The following PATJ variants were observed in gnomAD, a reference collection of about 807,000 sequenced individuals.
PATJ encodes inaD-like protein.
Under a neutral mutation model 224.9 loss-of-function variants are expected in PATJ, and 190 were observed. The observed-to-expected ratio is 0.84, with a 90% CI of 0.75 to 0.95. PATJ has a LOEUF of 0.95. PATJ is among the 40% of genes least tolerant of loss of function. The pLI, the probability that PATJ is intolerant of heterozygous loss-of-function variation, is 0.00. For synonymous variants in PATJ, 769 were observed against 820.3 expected, an observed-to-expected ratio of 0.94 and a Z score of 1.07; for missense variants, 2,121 against 2,270.3, an observed-to-expected ratio of 0.93 and a Z score of 1.34.
chr1:62,068,288 G>A (rs1334486115), intron 31 of PATJ, among the ~76,000 whole-genome samples: 4 of 152,212 alleles, frequency 2.6e-5, no homozygotes, highest in African/African-American at 9.7e-5. Context: ...GACAAAAGGA[G>A]AAATTTACTC....
rs1571358175 is a variant in PATJ at position 61,933,149 on chromosome 1, A to G, written c.3670+5320A>G. Among the ~76,000 whole-genome samples, 8 of 152,304 alleles carry G rather than the reference A, an allele frequency of 5.3e-5. No individual in the cohort carries two copies. In the South Asian group the frequency reaches 1.7e-3, roughly 32 times the overall value. ...AATTAAGAAACAATGTACTGCATCA[A>G]TGCGTAGCTCTTGGCAAAACTACCA... On this transcript the variant is annotated intron_variant, in intron 27 of 43. Coordinates refer to ENST00000642238, the MANE Select transcript of PATJ (RefSeq NM_001350145.3).
At chr1:62,038,658 C>T (rs1311199044) in intron 30 of PATJ, 1 of 223,024 alleles carries the variant, frequency 4.5e-6, no homozygotes, top group Non-Finnish European at 8.9e-6. Context: ...TCTTTCACTA[C>T]CTCCCTAAGG....
chr1:62,088,823 C>CAT (rs576635336), intron 33 of PATJ, among the ~76,000 whole-genome samples: 2 of 146,530 alleles, frequency 1.4e-5, no homozygotes, highest in Non-Finnish European at 3.0e-5. Flanking sequence ...ATATATAGAA[C>CAT]ATATATATAG....
chr1:61,853,570 A>T (rs2148896958), intron 17 of PATJ, among the ~76,000 whole-genome samples: 2 of 152,290 alleles, frequency 1.3e-5, no homozygotes, highest in Middle Eastern at 3.4e-3. Flanking sequence ...AAAAACTGAC[A>T]TCCTAAATGA....
chr1:61,904,466 T>C (rs1671601955), intron 24 of PATJ, among the ~76,000 whole-genome samples: 1 of 152,208 alleles, frequency 6.6e-6, no homozygotes. Flanking sequence ...TGCATTGATT[T>C]GTGTGTGTGT....
At chr1:61,972,966 T>G (rs1571586733) in intron 27 of PATJ, among the ~76,000 whole-genome samples, 1 of 152,088 alleles carries the variant, frequency 6.6e-6, no homozygotes, top group Non-Finnish European at 1.5e-5. Context: ...TTTTTAATAA[T>G]GATGAAACAT....
At chr1:61,948,755 A>C (rs1679155999) in intron 27 of PATJ, among the ~76,000 whole-genome samples, 1 of 152,170 alleles carries the variant, frequency 6.6e-6, no homozygotes, top group African/African-American at 2.4e-5. Context: ...CTATAAAGAC[A>C]CTTGTACACG....
At chr1:61,992,426 A>T (rs1336376195) in intron 28 of PATJ, among the ~76,000 whole-genome samples, 1 of 151,978 alleles carries the variant, frequency 6.6e-6, no homozygotes, top group Non-Finnish European at 1.5e-5. Context: ...TCCCCATGGG[A>T]CTTCTTTAAC....
intron 27 of PATJ, among the ~76,000 whole-genome samples, chr1:61,943,345 A>G (rs557514257): frequency 6.6e-6 from 1 of 152,272 alleles, no homozygotes; most frequent in Admixed American, 6.5e-5. Flanking sequence ...TTTCCTAGCA[A>G]AGGAAAGCTG....
chr1:61,817,866 C>T (rs1272116122), intron 14 of PATJ, among the ~76,000 whole-genome samples: 1 of 152,018 alleles, frequency 6.6e-6, no homozygotes, highest in East Asian at 1.9e-4. Context: ...TTTAGTAACT[C>T]CCTAATCTTT....
At chr1:62,042,334 C>T (rs1299265509) in intron 30 of PATJ, among the ~76,000 whole-genome samples, 1 of 152,092 alleles carries the variant, frequency 6.6e-6, no homozygotes, top group Non-Finnish European at 1.5e-5. Context: ...TGAATGCCAC[C>T]CCTCCTGTGG....
chr1:62,129,066 A>T, intron 41 of PATJ, 121 bp downstream of exon 41: 1 of 575,638 alleles, frequency 1.7e-6, no homozygotes, highest in East Asian at 2.6e-5. Flanking sequence ...TGAATTACGA[A>T]GGTTGAAAGC....
At chr1:61,847,938 TTG>T (rs1463601732) in intron 17 of PATJ, among the ~76,000 whole-genome samples, 1 of 78,116 alleles carries the variant, frequency 1.3e-5, no homozygotes, top group Non-Finnish European at 3.3e-5. Flanking sequence ...ATGTATTTTG[TTG>T]TTTTTTTTTA....
intron 29 of PATJ, among the ~76,000 whole-genome samples, chr1:62,022,716 G>A (rs1185524127): frequency 6.6e-6 from 1 of 152,132 alleles, no homozygotes; most frequent in Non-Finnish European, 1.5e-5. Context: ...AATGTGTACT[G>A]TGTAAAAACT....
chr1:61,771,285 A>C, intron 5 of PATJ, 146 bp from the exon 6 acceptor site: 4 of 467,296 alleles, frequency 8.6e-6, no homozygotes, highest in Non-Finnish European at 1.1e-5. Context: ...AACACTCTGA[A>C]GAGCTCTGTT....
intron 9 of PATJ, 72 bp downstream of exon 9, chr1:61,791,519 A>G (rs1272618831): frequency 1.1e-6 from 1 of 898,718 alleles, no homozygotes; most frequent in Non-Finnish European, 1.8e-6. Flanking sequence ...GTGAAATTAA[A>G]TACTTGCAGA....
rs868308713 is a variant in PATJ, at chr1:61,867,717, G to A, written c.2835+3084G>A. Among the ~76,000 whole-genome samples the A allele has an allele frequency of 3.3e-5, 5 of 151,976 alleles. No homozygotes were observed. In the South Asian group the frequency reaches 6.2e-4, roughly 19 times the overall value. On this transcript the variant is annotated intron_variant, in intron 20 of 43. Transcript: ENST00000642238. Reference sequence around the variant, plus strand: ...TTTTATTTTCTTTAAGTAATTATATGTGCTTTCTTAAGGTATTGGCTCTTT... The same window carrying A: ...TTTTATTTTCTTTAAGTAATTATATATGCTTTCTTAAGGTATTGGCTCTTT...
At chr1:61,943,788 C>T (rs1347835453) in intron 27 of PATJ, among the ~76,000 whole-genome samples, 1 of 152,190 alleles carries the variant, frequency 6.6e-6, no homozygotes, top group African/African-American at 2.4e-5. Context: ...ACTGCCTCCT[C>T]AAGTGGATCC....
intron 27 of PATJ, among the ~76,000 whole-genome samples, chr1:61,970,813 A>G (rs2149463046): frequency 6.6e-6 from 1 of 152,288 alleles, no homozygotes; most frequent in South Asian, 2.1e-4. Flanking sequence ...TTAACTTTTA[A>G]TCCAGAAATT....
Sources: gnomAD v4.1 joint callset for allele counts (sites outside exome capture counted in the v4.1 genomes callset) on GRCh38, gnomAD v4.1.1 for gene constraint, MANE v1.5 for transcripts, NCBI Gene and HGNC (gene_info 2026-07-23, HGNC 2026-07-21) for gene names.